SLC7A8: variants seen among roughly 807,000 people sequenced by gnomAD.
SLC7A8 encodes the protein solute carrier family 7 member 8.
Under a neutral mutation model 51.2 loss-of-function variants are expected in SLC7A8, and 30 were observed. That is an observed-to-expected ratio of 0.59 (90% confidence interval 0.44 to 0.80). SLC7A8 has a LOEUF of 0.80. Among genes scored for constraint, SLC7A8 ranks in the 30% least tolerant of loss-of-function variants. The pLI, the probability that SLC7A8 is intolerant of heterozygous loss-of-function variation, is 0.00. For missense variants in SLC7A8, 612 were observed against 674.4 expected (o/e 0.91, Z 1.03); for synonymous variants, 257 against 275.8 (o/e 0.93, Z 0.67).
chr14:23,130,686 T>C (rs1035552371), intron 8 of SLC7A8, among the ~76,000 whole-genome samples: 3 of 152,238 alleles, frequency 2.0e-5, no homozygotes, highest in Admixed American at 2.0e-4. Flanking sequence ...ACCTTCATCC[T>C]GCATCTGAAC....
rs1222866439 is a variant in SLC7A8 at position 23,166,366 on chromosome 14, T to C, written c.326A>G (p.Tyr109Cys). ...TIPKSGGDYS[Y>C]VKDIFGGLAG... The stretch of plus-strand genomic sequence containing the variant: ...CAGTCCTCCGAAGATGTCCTTGACA[T>C]AGGAGTAGTCACCTCCAGATTTGGG... The change falls in exon 2 of 11, where the codon TAT becomes TGT. Residue 109 changes from tyrosine (Y) to cysteine (C), a missense_variant. By Grantham distance (194) the Tyr-to-Cys change is radical. Transcript: ENST00000316902. The C allele has an allele frequency of 2.5e-6, 4 of 1,613,942 alleles. No individual in the cohort carries two copies. Among genetic ancestry groups the C allele is most frequent in the Non-Finnish European group, 3.4e-6 (4 of 1,180,042 alleles).
Position 23,129,693 on chromosome 14 carries a change from A to G in SLC7A8, c.1220T>C (p.Ile407Thr), listed in dbSNP as rs138001547. The change falls in exon 9 of 11, where the codon ATA (isoleucine) becomes ACA (threonine). Residue 407 changes from isoleucine (I) to threonine (T), a missense_variant. Ile to Thr is a moderately conservative substitution (Grantham distance 89). Coordinates refer to ENST00000316902, the MANE Select transcript of SLC7A8 (RefSeq NM_012244.4). ...LFYGVTVAGQ[I>T]VLRWKKPDIP... The stretch of plus-strand genomic sequence containing the variant: ...ATCAGGCTTCTTCCAGCGAAGGACT[A>G]TCTGTCCAGCAACCGTGACCCCATA... 9.9e-6 allele frequency: 16 copies of G among 1,614,244 alleles called. No homozygotes were observed. Among genetic ancestry groups the G allele is most frequent in the Non-Finnish European group, 1.4e-5 (16 of 1,180,032 alleles).
chr14:23,181,711 G>A lies in SLC7A8; in HGVS notation c.151+1053C>T, dbSNP rs373335936. On this transcript the variant is annotated intron_variant, in intron 1 of 10. Transcript: ENST00000316902. ...GGAACTCTGGAGAGATGACAAAGAAGCATATCTATGCCTGACCGTCCTGCA... is the reference window on the plus strand; with the variant it reads ...GGAACTCTGGAGAGATGACAAAGAAACATATCTATGCCTGACCGTCCTGCA... Among the ~76,000 whole-genome samples, 242 of 152,378 alleles carry A rather than the reference G, an allele frequency of 1.6e-3. 3 individuals carry two copies. The South Asian group carries it at 0.032, about 20-fold the overall frequency.
At chr14:23,129,855 T>G in intron 8 of SLC7A8, 56 bp from the exon 9 acceptor site, 1 of 1,596,506 alleles carries the variant, frequency 6.3e-7, no homozygotes, top group Non-Finnish European at 8.6e-7. Flanking sequence ...AGACTGGTAT[T>G]ACAGATTAGG....
At position 23,181,877 on chromosome 14, in the gene SLC7A8, A is replaced by G. The variant is rs143035398; in HGVS notation, c.151+887T>C. ...TCTGGAAAGAGGATGTGCTGTCTAGAGACGAAGCTGTATTTGGGACTCCTG... is the reference window on the plus strand; with the variant it reads ...TCTGGAAAGAGGATGTGCTGTCTAGGGACGAAGCTGTATTTGGGACTCCTG... On this transcript the variant is annotated intron_variant, in intron 1 of 10. Coordinates refer to ENST00000316902, the MANE Select transcript of SLC7A8 (RefSeq NM_012244.4). Among the ~76,000 whole-genome samples, 203 of 152,358 alleles carry G rather than the reference A, an allele frequency of 1.3e-3. 1 individual carries two copies. Among genetic ancestry groups the G allele is most frequent in the African/African-American group, 4.5e-3 (189 of 41,592 alleles).
chr14:23,140,433 T>G, intron 5 of SLC7A8, 38 bp downstream of exon 5: 3 of 1,574,978 alleles, frequency 1.9e-6, no homozygotes, highest in Non-Finnish European at 2.6e-6. Flanking sequence ...GCTGTGGCCC[T>G]TCAAGGGAGA....
At position 23,139,567 on chromosome 14, in the gene SLC7A8, G is replaced by A. The variant is rs2048723563; in HGVS notation, c.789-20C>T. 1 of 1,608,518 alleles carries A rather than the reference G, an allele frequency of 6.2e-7. No individual in the cohort carries two copies. Among genetic ancestry groups the A allele is most frequent in the African/African-American group, 1.3e-5 (1 of 74,814 alleles). ...AGGTTCCTGTAGAGGGAGAGGAGGTGAGGGGAAGGGCTGGCACCCGGGACA... is the reference window on the plus strand; with the variant it reads ...AGGTTCCTGTAGAGGGAGAGGAGGTAAGGGGAAGGGCTGGCACCCGGGACA... On this transcript the variant is annotated intron_variant, in intron 5 of 10. Coordinates refer to ENST00000316902, the MANE Select transcript of SLC7A8 (RefSeq NM_012244.4).
chr14:23,154,049 C>G (rs2048870027), intron 3 of SLC7A8, among the ~76,000 whole-genome samples: 2 of 152,092 alleles, frequency 1.3e-5, no homozygotes, highest in African/African-American at 2.4e-5. Context: ...CAGAGAGAGG[C>G]CAGGACTGAA....
chr14:23,138,178 GACCCCTACACA>G, intron 6 of SLC7A8, 154 bp from the exon 7 acceptor site: 14 of 892,784 alleles, frequency 1.6e-5, no homozygotes, highest in Non-Finnish European at 2.2e-5. Flanking sequence ...CTCAAGGGTG[GACCCCTACACA>G]GGGTGGTTAA....
intron 1 of SLC7A8, among the ~76,000 whole-genome samples, chr14:23,176,432 C>T (rs1233616931): frequency 6.6e-6 from 1 of 152,172 alleles, no homozygotes; most frequent in African/African-American, 2.4e-5. Context: ...TATCAGCCTC[C>T]TCCTGTCTTG....
rs1594845254 is a variant in SLC7A8, at chr14:23,183,093, C to T, written c.-179G>A. On this transcript the variant is annotated 5_prime_UTR_variant, in exon 1 of 11. Coordinates refer to ENST00000316902, the MANE Select transcript of SLC7A8 (RefSeq NM_012244.4). ...ACGAAAAATATTCCTACTCCGCATT[C>T]ACACTTTCTGGTCACTCGCGTTTAC... 1.0e-5 allele frequency: 3 copies of T among 287,866 alleles called. No homozygotes were observed. In the East Asian group the frequency reaches 3.0e-4, roughly 29 times the overall value. The allele number at this position is 287,866 out of a possible 1,614,324, so 17.8% of individuals were successfully genotyped here. A position where few individuals can be genotyped will look rare whatever the true frequency, so the allele number is the denominator to read the frequency against.
chr14:23,145,167 C>T (rs1298051456), intron 3 of SLC7A8, among the ~76,000 whole-genome samples: 4 of 151,292 alleles, frequency 2.6e-5, no homozygotes, highest in Admixed American at 2.0e-4. Context: ...TGATCCTCAG[C>T]CTCCCAAAGT....
At chr14:23,150,233 G>A (rs142947831) in intron 3 of SLC7A8, among the ~76,000 whole-genome samples, 23 of 152,298 alleles carry the variant, frequency 1.5e-4, no homozygotes, top group Non-Finnish European at 1.9e-4. Flanking sequence ...CCCTGCAATC[G>A]TCCAGAGCTG....
intron 3 of SLC7A8, among the ~76,000 whole-genome samples, chr14:23,151,401 T>A (rs947018627): frequency 3.9e-5 from 6 of 152,170 alleles, no homozygotes; most frequent in Admixed American, 1.3e-4. Context: ...GTGCCCCGGA[T>A]GCCAGACAGA....
intron 3 of SLC7A8, among the ~76,000 whole-genome samples, chr14:23,160,343 G>A (rs748680357): frequency 3.9e-5 from 6 of 152,110 alleles, no homozygotes; most frequent in South Asian, 2.1e-4. Context: ...AGGCCAAGGC[G>A]GGTGGATCAC....
intron 1 of SLC7A8, among the ~76,000 whole-genome samples, chr14:23,182,212 C>T (rs116095322): frequency 1.6e-4 from 24 of 152,294 alleles, no homozygotes; most frequent in African/African-American, 3.6e-4. Context: ...ATGGGAATAA[C>T]AGCCCTGTCA....
Position 23,156,028 on chromosome 14 carries a change from C to T in SLC7A8, c.508+9257G>A, listed in dbSNP as rs376825583. Among the ~76,000 whole-genome samples, 22 of 147,852 alleles carry T rather than the reference C, an allele frequency of 1.5e-4. No homozygotes were observed. In the South Asian group the frequency reaches 3.8e-3, roughly 26 times the overall value. ...CTTTTTTTTTTTTGAGATGGAGTTT[C>T]GCTCTTGTTGCCCAGGCTGGAGTGC... is the stretch of plus-strand genomic sequence containing the variant. On this transcript the variant is annotated intron_variant, in intron 3 of 10. Coordinates refer to ENST00000316902, the MANE Select transcript of SLC7A8 (RefSeq NM_012244.4).
At chr14:23,141,266 CAG>C (rs1036151401) in intron 4 of SLC7A8, among the ~76,000 whole-genome samples, 8 of 152,108 alleles carry the variant, frequency 5.3e-5, no homozygotes, top group Non-Finnish European at 1.2e-4. Context: ...GGGTGGATGA[CAG>C]AGCAAGACCC....
At chr14:23,144,798 TAAC>T (rs2048776745) in intron 3 of SLC7A8, among the ~76,000 whole-genome samples, 2 of 152,334 alleles carry the variant, frequency 1.3e-5, no homozygotes, top group South Asian at 4.1e-4. Context: ...TATTTATTCC[TAAC>T]AACATGCCTG....
Sources: gnomAD v4.1 joint callset for allele counts (sites outside exome capture counted in the v4.1 genomes callset) on GRCh38, gnomAD v4.1.1 for gene constraint, MANE v1.5 for transcripts, NCBI Gene and HGNC (gene_info 2026-07-23, HGNC 2026-07-21) for gene names.